Variants in LMNB1 observed in about 807,000 individuals in gnomAD.
LMNB1 encodes the protein lamin B1.
LMNB1 carries 23 observed loss-of-function variants against 67.1 expected under a neutral mutation model. That is an observed-to-expected ratio of 0.34 (90% CI 0.25 to 0.49). The LOEUF (loss-of-function observed/expected upper bound fraction) is 0.49. LMNB1 is among the 20% of genes least tolerant of loss of function. The probability of loss-of-function intolerance (pLI) is 0.99; values close to 1 mark genes in which losing one functional copy is unlikely to be tolerated. For synonymous variants in LMNB1, 281 were observed against 282.9 expected, an observed-to-expected ratio of 0.99 and a Z score of 0.07; for missense variants, 634 against 746.5, an observed-to-expected ratio of 0.85 and a Z score of 1.76.
At chr5:126,802,512 C>T (rs755072887) in intron 1 of LMNB1, among the ~76,000 whole-genome samples, 11 of 152,266 alleles carry the variant, frequency 7.2e-5, no homozygotes, top group East Asian at 1.9e-4. Context: ...GGTATGATCT[C>T]GGCTCACTGC....
intron 1 of LMNB1, among the ~76,000 whole-genome samples, chr5:126,791,758 T>A (rs971485069): frequency 6.6e-6 from 1 of 151,582 alleles, no homozygotes; most frequent in Non-Finnish European, 1.5e-5. Context: ...TGAACCATCA[T>A]GCCTAGCCTT....
chr5:126,799,307 C>T (rs1291885814), intron 1 of LMNB1, among the ~76,000 whole-genome samples: 2 of 152,192 alleles, frequency 1.3e-5, no homozygotes, highest in South Asian at 2.1e-4. Flanking sequence ...CCACCGCGCC[C>T]GGCCGCGATG....
At chr5:126,830,536 T>A (rs1752108508) in intron 9 of LMNB1, among the ~76,000 whole-genome samples, 1 of 152,246 alleles carries the variant, frequency 6.6e-6, no homozygotes, top group Admixed American at 6.5e-5. Context: ...TAATTGGTTT[T>A]TGCATGTTTT....
intron 1 of LMNB1, among the ~76,000 whole-genome samples, chr5:126,795,933 C>CGTTTTTTTTTT (rs751492782): frequency 1.2e-5 from 1 of 82,084 alleles, no homozygotes; most frequent in East Asian, 3.7e-4. Flanking sequence ...GCCCAGGATG[C>CGTTTTTTTTTT]TTTTTTTTTT....
intron 9 of LMNB1, among the ~76,000 whole-genome samples, chr5:126,829,649 G>T (rs1419893888): frequency 6.6e-6 from 1 of 151,932 alleles, no homozygotes; most frequent in South Asian, 2.1e-4. Flanking sequence ...GATATTGAGT[G>T]TTTGAATTAT....
intron 7 of LMNB1, 117 bp from the exon 8 acceptor site, chr5:126,822,664 G>C: frequency 1.7e-6 from 1 of 575,338 alleles, no homozygotes; most frequent in South Asian, 2.5e-5. Context: ...CTGAAATGTG[G>C]GAAGATGACC....
At chr5:126,805,808 A>C in intron 3 of LMNB1, 112 bp downstream of exon 3, 1 of 838,032 alleles carries the variant, frequency 1.2e-6, no homozygotes, top group Non-Finnish European at 1.8e-6. Context: ...ACAAAAATAT[A>C]TCAGATAAAG....
chr5:126,790,700 C>T (rs986667813), intron 1 of LMNB1, among the ~76,000 whole-genome samples: 1 of 151,988 alleles, frequency 6.6e-6, no homozygotes, highest in East Asian at 1.9e-4. Context: ...TGTTTTTCTA[C>T]AGTCTAGTTG....
At chr5:126,822,477 C>T (rs549266991) in intron 7 of LMNB1, among the ~76,000 whole-genome samples, 2 of 152,320 alleles carry the variant, frequency 1.3e-5, no homozygotes, top group East Asian at 3.9e-4. Context: ...CTAGATAGTG[C>T]TGTAAATTTG....
At chr5:126,816,098 C>CA (rs796121411) in intron 5 of LMNB1, among the ~76,000 whole-genome samples, 2 of 147,472 alleles carry the variant, frequency 1.4e-5, no homozygotes, top group Non-Finnish European at 3.0e-5. Flanking sequence ...ACTTACATGA[C>CA]TTTTTTTTTT....
chr5:126,803,704 T>A (rs1311465718), intron 1 of LMNB1, among the ~76,000 whole-genome samples: 2 of 152,122 alleles, frequency 1.3e-5, no homozygotes, highest in Admixed American at 1.3e-4. Context: ...TGCGCCACCA[T>A]GCCCAGCTTA....
At position 126,777,228 on chromosome 5, in the gene LMNB1, T is replaced by G; in HGVS notation, c.-281T>G. The G allele has an allele frequency of 3.3e-6, 1 of 306,406 alleles. No individual in the cohort carries two copies. 19.0% of individuals were successfully genotyped at this position (306,406 alleles called of 1,614,324 possible). A position where few individuals can be genotyped will look rare whatever the true frequency, so the allele number is the denominator to read the frequency against. ...GGCCTCCAGTCACCCTCGTCTTGCA[T>G]TTTCCCGCGTGCGTGTGTGAGTGGG... On this transcript the variant is annotated 5_prime_UTR_variant, in exon 1 of 11. Transcript: ENST00000261366.
intron 7 of LMNB1, among the ~76,000 whole-genome samples, chr5:126,821,710 G>C (rs1300781966): frequency 6.6e-6 from 1 of 152,188 alleles, no homozygotes; most frequent in East Asian, 1.9e-4. Context: ...GCTTTCGGGA[G>C]CTCTGTAGTG....
chr5:126,777,928 C>G, intron 1 of LMNB1, 61 bp downstream of exon 1: 1 of 1,370,090 alleles, frequency 7.3e-7, no homozygotes. Context: ...ACCGCGGCGA[C>G]CAGCTCACCG....
intron 1 of LMNB1, among the ~76,000 whole-genome samples, chr5:126,787,224 G>A (rs1265444667): frequency 6.6e-6 from 1 of 152,008 alleles, no homozygotes; most frequent in African/African-American, 2.4e-5. Context: ...CAGTATCCAG[G>A]TGTTGCTGTG....
At chr5:126,800,982 A>ATTTTTTTTTTT (rs57114367) in intron 1 of LMNB1, among the ~76,000 whole-genome samples, 7 of 18,638 alleles carry the variant, frequency 3.8e-4, no homozygotes, top group African/African-American at 8.4e-4. Flanking sequence ...TATATATATA[A>ATTTTTTTTTTT]TTTTTTTTTT....
At chr5:126,815,051 A>G (rs532659787) in intron 5 of LMNB1, 11 of 152,194 alleles carry the variant, frequency 7.2e-5, no homozygotes, top group Admixed American at 1.3e-4. Flanking sequence ...AACAGACTTT[A>G]TGGTAAACAG....
At chr5:126,822,641 A>G in intron 7 of LMNB1, 140 bp from the exon 8 acceptor site, 1 of 544,902 alleles carries the variant, frequency 1.8e-6, no homozygotes, top group Non-Finnish European at 3.2e-6. Flanking sequence ...TTTTCTTTTT[A>G]TAGTAGGAAA....
intron 1 of LMNB1, among the ~76,000 whole-genome samples, chr5:126,779,355 A>G (rs1387618254): frequency 6.6e-6 from 1 of 152,214 alleles, no homozygotes; most frequent in East Asian, 1.9e-4. Context: ...AAATAATACT[A>G]AGCTTGTATT....
Sources: allele counts gnomAD v4.1 joint callset (sites outside exome capture counted in the v4.1 genomes callset), GRCh38; gene constraint gnomAD v4.1.1; transcripts MANE v1.5; gene names NCBI Gene and HGNC (gene_info 2026-07-23, HGNC 2026-07-21).